MAN2A1: variants seen among roughly 807,000 people sequenced by gnomAD.
The protein encoded by MAN2A1 is mannosidase alpha class 2A member 1, also known as alpha-mannosidase 2.
MAN2A1 carries 76 observed loss-of-function variants against 142.6 expected under a neutral mutation model. That is an observed-to-expected ratio of 0.53 (90% CI 0.44 to 0.65). MAN2A1 has a LOEUF of 0.65. MAN2A1 is among the 30% of genes least tolerant of loss of function. The pLI is 0.00. For missense variants in MAN2A1, 1,311 were observed against 1,365.1 expected, an observed-to-expected ratio of 0.96 and a Z score of 0.62; for synonymous variants, 559 against 473.2, an observed-to-expected ratio of 1.18 and a Z score of -2.35.
chr5:109,855,335 G>A lies in MAN2A1; in HGVS notation c.3171+1G>A. On this transcript the variant is annotated splice_donor_variant, in intron 20 of 21. Coordinates refer to ENST00000261483, the MANE Select transcript of MAN2A1 (RefSeq NM_002372.4). LOFTEE classifies it high-confidence loss of function. ...TAATTTGAGAACAATACAGTCAAAG[G>A]TATGTCTCAAAATATATCTTATAAA... is the stretch of plus-strand genomic sequence containing the variant. 6.5e-7 allele frequency: 1 copy of A among 1,550,338 alleles called. No homozygotes were observed.
chr5:109,853,063 A>C (rs1192325043), intron 19 of MAN2A1, among the ~76,000 whole-genome samples: 2 of 152,196 alleles, frequency 1.3e-5, no homozygotes, highest in Non-Finnish European at 2.9e-5. Flanking sequence ...ACAGTTTTTA[A>C]ATTCTTGAAG....
chr5:109,813,659 C>T (rs1754377463), intron 12 of MAN2A1, among the ~76,000 whole-genome samples: 1 of 152,168 alleles, frequency 6.6e-6, no homozygotes, highest in South Asian at 2.1e-4. Flanking sequence ...CTGTGTGCTC[C>T]CAGTCTGTTG....
At chr5:109,859,303 T>A (rs1411618848) in intron 20 of MAN2A1, among the ~76,000 whole-genome samples, 1 of 152,236 alleles carries the variant, frequency 6.6e-6, no homozygotes, top group East Asian at 1.9e-4. Flanking sequence ...TATTAGTAGA[T>A]GAGTTTACAT....
At chr5:109,808,702 A>ATT (rs34026574) in intron 12 of MAN2A1, among the ~76,000 whole-genome samples, 3 of 114,464 alleles carry the variant, frequency 2.6e-5, no homozygotes, top group Non-Finnish European at 3.6e-5. Context: ...CCTTACACTA[A>ATT]TTTTTTTTTT....
intron 1 of MAN2A1, among the ~76,000 whole-genome samples, chr5:109,695,202 G>A (rs1248154020): frequency 6.6e-6 from 1 of 152,188 alleles, no homozygotes; most frequent in Non-Finnish European, 1.5e-5. Context: ...TCTGAAGATA[G>A]TAGTTTATGT....
At chr5:109,710,782 C>G (rs1047052025) in intron 1 of MAN2A1, among the ~76,000 whole-genome samples, 1 of 152,130 alleles carries the variant, frequency 6.6e-6, no homozygotes, top group Non-Finnish European at 1.5e-5. Context: ...CCTCCGCCTC[C>G]CGGGTTCAAG....
At chr5:109,708,521 C>CACACACACACACACACACACACAG (rs1751205531) in intron 1 of MAN2A1, among the ~76,000 whole-genome samples, 1 of 150,524 alleles carries the variant, frequency 6.6e-6, no homozygotes, top group Non-Finnish European at 1.5e-5. Flanking sequence ...CACACACACA[C>CACACACACACACACACACACACAG]ACACACACAC....
chr5:109,730,425 C>A (rs999497508), intron 4 of MAN2A1, among the ~76,000 whole-genome samples: 1 of 151,886 alleles, frequency 6.6e-6, no homozygotes, highest in Admixed American at 6.6e-5. Context: ...CTACTCAAAT[C>A]TGTTATTCTG....
chr5:109,716,220 A>C lies in MAN2A1; in HGVS notation c.491A>C (p.Glu164Ala). ...ITYESNEWDT[E>A]PLQVFVVPHS... is the part of the protein sequence containing the mutation. ...TATGAATCTAATGAATGGGACACTG[A>C]ACCCCTTCAAGTCTTTGTGGTGCCT... The change falls in exon 3 of 22, where the codon GAA becomes GCA. Residue 164 changes from glutamate to alanine, a missense_variant. By Grantham distance (107) the Glu-to-Ala change is moderately radical. Transcript: ENST00000261483. The C allele has an allele frequency of 6.2e-7, 1 of 1,611,082 alleles. No homozygotes were observed. The highest frequency in any genetic ancestry group is 1.3e-5 in the African/African-American group (1 of 74,958).
chr5:109,720,668 A>T (rs1371357666), intron 3 of MAN2A1, among the ~76,000 whole-genome samples: 2 of 152,346 alleles, frequency 1.3e-5, no homozygotes, highest in East Asian at 1.9e-4. Context: ...ACAATAGGTG[A>T]TGAGCTAAAA....
chr5:109,827,089 G>A (rs1400458181), intron 16 of MAN2A1, among the ~76,000 whole-genome samples: 1 of 152,184 alleles, frequency 6.6e-6, no homozygotes, highest in African/African-American at 2.4e-5. Flanking sequence ...TTATTTGCAT[G>A]AGTATTAATG....
At chr5:109,840,516 T>C (rs1486333313) in intron 16 of MAN2A1, 2 of 503,270 alleles carry the variant, frequency 4.0e-6, no homozygotes, top group South Asian at 1.5e-5. Context: ...TCTCCTGCCA[T>C]AAGCTTCTTT....
At chr5:109,787,435 A>G (rs1036477317) in intron 10 of MAN2A1, among the ~76,000 whole-genome samples, 1 of 152,034 alleles carries the variant, frequency 6.6e-6, no homozygotes, top group African/African-American at 2.4e-5. Flanking sequence ...CCCTGAAAAA[A>G]ATCCTGTATT....
At position 109,817,282 on chromosome 5, in the gene MAN2A1, G is replaced by A. The variant is rs190655311; in HGVS notation, c.1953G>A (p.Val651=). The stretch of plus-strand genomic sequence containing the variant: ...GCAGCTGTTTTTGCAGGTACCTTGT[G>A]GTCTATAATCCTTTAGAACAAGACC... The part of the protein sequence containing the change: ...IRLSAEPRYL[V]VYNPLEQDRI... Residue 651 remains valine (V), a synonymous_variant, in exon 13 of 22, where the codon GTG becomes GTA. Transcript: ENST00000261483. The A allele has an allele frequency of 6.2e-7, 1 of 1,613,270 alleles. No individual in the cohort carries two copies. The highest frequency in any genetic ancestry group is 2.2e-5 in the East Asian group (1 of 44,872).
intron 2 of MAN2A1, among the ~76,000 whole-genome samples, chr5:109,715,725 A>G (rs1387721546): frequency 1.3e-5 from 2 of 152,200 alleles, no homozygotes; most frequent in Non-Finnish European, 2.9e-5. Context: ...AGCACAAAGT[A>G]AAATATCATT....
chr5:109,694,601 A>T (rs2112535758), intron 1 of MAN2A1, among the ~76,000 whole-genome samples: 1 of 151,642 alleles, frequency 6.6e-6, no homozygotes, highest in East Asian at 1.9e-4. Context: ...CTCCTGCCTC[A>T]GCCTTCCAAA....
chr5:109,731,363 TTA>T (rs1308204197), intron 4 of MAN2A1, among the ~76,000 whole-genome samples: 2 of 117,126 alleles, frequency 1.7e-5, no homozygotes, highest in Non-Finnish European at 3.5e-5. Context: ...TTTCTTTTTT[TTA>T]TTATTATTAT....
At position 109,847,686 on chromosome 5, in the gene MAN2A1, C is replaced by T. The variant is rs1375924480; in HGVS notation, c.2872C>T (p.Leu958Phe). Residue 958 changes from leucine (L) to phenylalanine (F), a missense_variant, in exon 19 of 22, where the codon CTC becomes TTC. By Grantham distance (22) the Leu-to-Phe change is conservative. This residue lies in a region of MAN2A1 where 890 missense variants were observed against 920.5 expected (regional missense o/e 0.97). Coordinates refer to ENST00000261483, the MANE Select transcript of MAN2A1 (RefSeq NM_002372.4). ...GQIEVIMDRR[L>F]MQDDNRGLEQ... ...GATTGAAGTTATCATGGATCGAAGA[C>T]TCATGCAAGATGATAATCGTGGCCT... 6.3e-7 allele frequency: 1 copy of T among 1,589,444 alleles called. No individual in the cohort carries two copies. The highest frequency in any genetic ancestry group is 1.4e-5 in the African/African-American group (1 of 73,802).
rs1754573987 is a variant in MAN2A1 at position 109,819,813 on chromosome 5, A to G, written c.2254A>G (p.Ile752Val). The change falls in exon 14 of 22, where the codon ATA (isoleucine) becomes GTA (valine). Residue 752 changes from isoleucine (I) to valine (V), a missense_variant. By Grantham distance (29) the Ile-to-Val change is conservative. Coordinates refer to ENST00000261483, the MANE Select transcript of MAN2A1 (RefSeq NM_002372.4). ...CGGAATTTTCACCATAAAGAATATG[A>G]TAAATACTGAAGAAGGTATAACACT... ...DSGIFTIKNM[I>V]NTEEGITLEN... 9 of 1,611,068 alleles carry G rather than the reference A, an allele frequency of 5.6e-6. No individual in the cohort carries two copies. The highest frequency in any genetic ancestry group is 6.8e-6 in the Non-Finnish European group (8 of 1,177,990).
Sources: gnomAD v4.1 joint callset for allele counts (sites outside exome capture counted in the v4.1 genomes callset) on GRCh38, gnomAD v4.1.1 for gene constraint, gnomAD v4.1.1 regional missense constraint, MANE v1.5 for transcripts, NCBI Gene and HGNC (gene_info 2026-07-23, HGNC 2026-07-21) for gene names.